Variants in CCDC77 observed in about 807,000 individuals in gnomAD.
The protein encoded by CCDC77 is coiled-coil domain containing 77.
In CCDC77, 56 loss-of-function variants were observed where a neutral mutation model predicts 66.8. That is an observed-to-expected ratio of 0.84 (90% confidence interval 0.68 to 1.05). CCDC77 has a LOEUF of 1.05. Ranked by LOEUF, CCDC77 falls within the 50% of genes least tolerant of loss-of-function variation. The probability of loss-of-function intolerance (pLI) is 0.00; values close to 1 mark genes in which losing one functional copy is unlikely to be tolerated. For missense variants in CCDC77, 570 were observed against 576.8 expected, an observed-to-expected ratio of 0.99 and a Z score of 0.12; for synonymous variants, 196 against 195.2, an observed-to-expected ratio of 1.00 and a Z score of -0.03.
intron 10 of CCDC77, among the ~76,000 whole-genome samples, chr12:439,671 T>C (rs1945825194): frequency 6.6e-6 from 1 of 151,470 alleles, no homozygotes; most frequent in Non-Finnish European, 1.5e-5. Flanking sequence ...TCCCAGCTAC[T>C]TGAGAGGCTG....
intron 1 of CCDC77, among the ~76,000 whole-genome samples, chr12:404,011 A>G (rs1450742426): frequency 2.0e-5 from 3 of 152,210 alleles, no homozygotes; most frequent in Non-Finnish European, 4.4e-5. Context: ...TCCCAAAGTG[A>G]TATATTTTTA....
chr12:417,901 C>CAAAAA (rs879418342), intron 4 of CCDC77, among the ~76,000 whole-genome samples: 1 of 136,182 alleles, frequency 7.3e-6, no homozygotes, highest in Non-Finnish European at 1.6e-5. Flanking sequence ...GACTCTGTCT[C>CAAAAA]AAAAAAAAAA....
chr12:397,168 T>A (rs1944838978), upstream of CCDC77, among the ~76,000 whole-genome samples: 1 of 152,196 alleles, frequency 6.6e-6, no homozygotes, highest in East Asian at 1.9e-4. Context: ...GGTCAGGAGT[T>A]CAAGACCAGC....
upstream of CCDC77, among the ~76,000 whole-genome samples, chr12:397,207 G>C (rs536948194): frequency 6.6e-6 from 1 of 152,162 alleles, no homozygotes; most frequent in African/African-American, 2.4e-5. Context: ...TTATAGAATG[G>C]ATTGGAGGCA....
chr12:441,949 A>T lies in CCDC77; in HGVS notation c.*29A>T, dbSNP rs1945866027. On this transcript the variant is annotated 3_prime_UTR_variant, in exon 13 of 13. Coordinates refer to ENST00000239830, the MANE Select transcript of CCDC77 (RefSeq NM_032358.4). ...CTACTTTTGGAAATGGCCCCCATTT[A>T]GAAGAGGTGTGCTTCTTGAAACCTG... 1 of 1,612,412 alleles carries T rather than the reference A, an allele frequency of 6.2e-7. No individual in the cohort carries two copies. The highest frequency in any genetic ancestry group is 2.2e-5 in the East Asian group (1 of 44,882).
At position 427,567 on chromosome 12, in the gene CCDC77, C is replaced by T. The variant is rs1409536437; in HGVS notation, c.414-1202C>T. On this transcript the variant is annotated intron_variant, in intron 5 of 12. Coordinates refer to ENST00000239830, the MANE Select transcript of CCDC77 (RefSeq NM_032358.4). Reference sequence around the variant, plus strand: ...TTGGCTCACTGCAAACTCCACCTCCCGGGTTCAAGTGATTCTTGTGCTTCA... The same window carrying T: ...TTGGCTCACTGCAAACTCCACCTCCTGGGTTCAAGTGATTCTTGTGCTTCA... Among the ~76,000 whole-genome samples the T allele has an allele frequency of 5.3e-5, 8 of 151,288 alleles. No individual in the cohort carries two copies. In the East Asian group the frequency reaches 9.8e-4, roughly 18 times the overall value.
At chr12:430,147 C>T (rs1414450674) in intron 6 of CCDC77, among the ~76,000 whole-genome samples, 1 of 152,104 alleles carries the variant, frequency 6.6e-6, no homozygotes, top group African/African-American at 2.4e-5. Flanking sequence ...GCATGTGCCA[C>T]CACGCCTGGC....
At chr12:433,616 C>A in intron 9 of CCDC77, 1 of 327,318 alleles carries the variant, frequency 3.1e-6, no homozygotes, top group Non-Finnish European at 4.9e-6. Context: ...CGCCTGTAAT[C>A]GCTCCTGCCT....
At chr12:398,765 CTT>C (rs1394961987), upstream of CCDC77, among the ~76,000 whole-genome samples, 1 of 141,608 alleles carries the variant, frequency 7.1e-6, no homozygotes. Context: ...TATATTTTTA[CTT>C]TTTTTTTTTT....
chr12:424,589 A>G (rs1330075779), intron 5 of CCDC77, among the ~76,000 whole-genome samples: 1 of 152,064 alleles, frequency 6.6e-6, no homozygotes, highest in Non-Finnish European at 1.5e-5. Flanking sequence ...TCAGCCTCCC[A>G]AAGTGCTAGG....
At chr12:415,523 CAT>C (rs1193891225) in intron 4 of CCDC77, among the ~76,000 whole-genome samples, 4 of 145,638 alleles carry the variant, frequency 2.7e-5, no homozygotes, top group Non-Finnish European at 6.0e-5. Context: ...TTAATATTAA[CAT>C]AATTATTAAC....
intron 4 of CCDC77, among the ~76,000 whole-genome samples, chr12:415,951 G>A (rs148391053): frequency 0.01 from 1,522 of 151,528 alleles, 35 homozygotes; most frequent in African/African-American, 0.035. Flanking sequence ...GATTATAGGC[G>A]CCCACCACCA....
chr12:431,946 A>T lies in CCDC77; in HGVS notation c.664A>T (p.Ile222Phe). The part of the protein sequence containing the change: ...EHYQRDIQTL[I>F]LQVEALQAQL... ...TTACCAAAGAGACATACAGACACTC[A>T]TCCTACAGGTAAAGAATGTATTTTG... The change falls in exon 8 of 13, where the codon ATC (isoleucine) becomes TTC (phenylalanine). Residue 222 changes from isoleucine (I) to phenylalanine (F), a missense_variant. Physicochemically the swap from Ile to Phe is conservative, Grantham distance 21. Transcript: ENST00000239830. 6.9e-6 allele frequency: 11 copies of T among 1,605,792 alleles called. No homozygotes were observed. Among genetic ancestry groups the T allele is most frequent in the African/African-American group, 1.3e-5 (1 of 74,740 alleles).
chr12:402,623 T>C (rs1485988858), intron 1 of CCDC77, among the ~76,000 whole-genome samples: 1 of 152,188 alleles, frequency 6.6e-6, no homozygotes, highest in African/African-American at 2.4e-5. Flanking sequence ...TAGAAAGCCA[T>C]GAATTCTAGG....
intron 10 of CCDC77, 99 bp from the exon 11 acceptor site, chr12:440,518 G>A: frequency 7.1e-7 from 1 of 1,402,578 alleles, no homozygotes; most frequent in Non-Finnish European, 9.7e-7. Context: ...TTGTACCTCT[G>A]GAAATCCCTT....
At chr12:416,298 T>C (rs543951878) in intron 4 of CCDC77, among the ~76,000 whole-genome samples, 3 of 129,316 alleles carry the variant, frequency 2.3e-5, no homozygotes, top group East Asian at 5.4e-4. Flanking sequence ...TGAGTAGTGT[T>C]AAGTGTTTAT....
chr12:431,956 T>G lies in CCDC77; in HGVS notation c.672+2T>G. ...GACATACAGACACTCATCCTACAGG[T>G]AAAGAATGTATTTTGGCAGACCAAG... On this transcript the variant is annotated splice_donor_variant, in intron 8 of 12. Coordinates refer to ENST00000239830, the MANE Select transcript of CCDC77 (RefSeq NM_032358.4). LOFTEE classifies it high-confidence loss of function. 5.6e-6 allele frequency: 9 copies of G among 1,597,562 alleles called. No individual in the cohort carries two copies. Among genetic ancestry groups the G allele is most frequent in the Non-Finnish European group, 7.7e-6 (9 of 1,167,650 alleles).
chr12:414,874 C>CT (rs373870757), intron 4 of CCDC77, among the ~76,000 whole-genome samples: 4 of 152,178 alleles, frequency 2.6e-5, no homozygotes, highest in African/African-American at 9.7e-5. Context: ...CGGTGTCCTC[C>CT]TTGCCAGTAC....
rs1172101968 is a variant in CCDC77 at position 418,642 on chromosome 12, A to G, written c.413+6A>G. The G allele has an allele frequency of 3.7e-6, 6 of 1,609,816 alleles. No homozygotes were observed. The highest frequency in any genetic ancestry group is 1.7e-4 in the Middle Eastern group (1 of 6,052). ...AATGACCGACTGAGAATCAGGTACC[A>G]AATAGGAGAAGGGAAATGTTGGAGT... On this transcript the variant is annotated splice_donor_region_variant and intron_variant, in intron 5 of 12. Coordinates refer to ENST00000239830, the MANE Select transcript of CCDC77 (RefSeq NM_032358.4).
Sources: gnomAD v4.1 joint callset for allele counts (sites outside exome capture counted in the v4.1 genomes callset) on GRCh38, gnomAD v4.1.1 for gene constraint, MANE v1.5 for transcripts, NCBI Gene and HGNC (gene_info 2026-07-23, HGNC 2026-07-21) for gene names.